EEFSEC: variants seen among roughly 807,000 people sequenced by gnomAD.
EEFSEC encodes eukaryotic elongation factor, selenocysteine-tRNA specific.
EEFSEC carries 43 observed loss-of-function variants against 42.1 expected under a neutral mutation model. That is an observed-to-expected ratio of 1.02 (90% CI 0.80 to 1.32). EEFSEC has a LOEUF of 1.32. EEFSEC is among the 40% of genes most tolerant of loss of function. The pLI, the probability that EEFSEC is intolerant of heterozygous loss-of-function variation, is 0.00. For missense variants in EEFSEC, 745 were observed against 803.6 expected (o/e 0.93, Z 0.88); for synonymous variants, 354 against 339.1 (o/e 1.04, Z -0.48).
chr3:128,197,650 T>G (rs555837099), intron 1 of EEFSEC, among the ~76,000 whole-genome samples: 1 of 152,274 alleles, frequency 6.6e-6, no homozygotes, highest in South Asian at 2.1e-4. Flanking sequence ...CCATTAACGG[T>G]ACGAGAAGAC....
chr3:128,173,292 G>A (rs897549566), intron 1 of EEFSEC, among the ~76,000 whole-genome samples: 1 of 152,216 alleles, frequency 6.6e-6, no homozygotes, highest in African/African-American at 2.4e-5. Context: ...TTGTTCCTGC[G>A]TGTGGATTCT....
At chr3:128,389,477 T>G (rs548567561) in intron 6 of EEFSEC, among the ~76,000 whole-genome samples, 2 of 152,354 alleles carry the variant, frequency 1.3e-5, no homozygotes, top group African/African-American at 4.8e-5. Flanking sequence ...TCACAAGTGG[T>G]TGGTGGTAAA....
intron 4 of EEFSEC, among the ~76,000 whole-genome samples, chr3:128,316,781 A>G (rs777835056): frequency 2.0e-5 from 3 of 152,134 alleles, no homozygotes; most frequent in Non-Finnish European, 2.9e-5. Context: ...CCCTCCCTCT[A>G]TGCTGCTCAG....
chr3:128,341,205 A>G lies in EEFSEC; in HGVS notation c.787-28A>G, dbSNP rs758961777. On this transcript the variant is annotated intron_variant, in intron 4 of 6. Coordinates refer to ENST00000254730, the MANE Select transcript of EEFSEC (RefSeq NM_021937.5). ...CACAGCCCCGAGGCTTGTTGGTTTC[A>G]TGTGCTCTCTTGCTTACTCCCCATC... 3.8e-6 allele frequency: 6 copies of G among 1,569,804 alleles called. No individual in the cohort carries two copies. The South Asian group carries it at 4.8e-5, about 13-fold the overall frequency.
downstream of EEFSEC, among the ~76,000 whole-genome samples, chr3:128,410,821 G>A (rs1048653450): frequency 2.0e-5 from 3 of 152,146 alleles, no homozygotes; most frequent in East Asian, 1.9e-4. Context: ...CAGGAACTCT[G>A]TGCAGGCGTC....
intron 1 of EEFSEC, among the ~76,000 whole-genome samples, chr3:128,200,449 C>T (rs533900369): frequency 1.4e-4 from 22 of 152,304 alleles, no homozygotes; most frequent in African/African-American, 4.8e-4. Context: ...CCACCATGCC[C>T]GGCTAATTTC....
At chr3:128,211,278 G>A (rs2065753479) in intron 1 of EEFSEC, among the ~76,000 whole-genome samples, 1 of 152,108 alleles carries the variant, frequency 6.6e-6, no homozygotes, top group African/African-American at 2.4e-5. Flanking sequence ...TTTAGAGACA[G>A]GGTCTTGCTC....
chr3:128,200,910 A>G (rs898984863), intron 1 of EEFSEC, among the ~76,000 whole-genome samples: 12 of 152,156 alleles, frequency 7.9e-5, no homozygotes, highest in African/African-American at 2.9e-4. Context: ...GAGAGAAGTT[A>G]AAGTTCCCCA....
At chr3:128,294,818 G>A (rs1305398118) in intron 4 of EEFSEC, among the ~76,000 whole-genome samples, 1 of 152,232 alleles carries the variant, frequency 6.6e-6, no homozygotes, top group African/African-American at 2.4e-5. Flanking sequence ...ATGGCAGACT[G>A]TTCTGATATT....
chr3:128,289,697 G>A (rs2066622984), intron 4 of EEFSEC, among the ~76,000 whole-genome samples: 1 of 152,134 alleles, frequency 6.6e-6, no homozygotes, highest in Admixed American at 6.5e-5. Flanking sequence ...TGCTACCTTT[G>A]GGACCTTTGC....
At chr3:128,416,491 A>G in the EEFSEC span, among the ~76,000 whole-genome samples, 1 of 151,978 alleles carries the variant, frequency 6.6e-6, no homozygotes, top group Non-Finnish European at 1.5e-5. Flanking sequence ...CCCCCACACC[A>G]TGCCCATCTC....
chr3:128,360,561 A>G (rs998950058), intron 6 of EEFSEC, among the ~76,000 whole-genome samples: 1 of 152,152 alleles, frequency 6.6e-6, no homozygotes, highest in African/African-American at 2.4e-5. Flanking sequence ...CTGTAGCCCA[A>G]GGCAAACTCA....
intron 4 of EEFSEC, among the ~76,000 whole-genome samples, chr3:128,307,489 C>T (rs1031513323): frequency 6.6e-6 from 1 of 152,196 alleles, no homozygotes; most frequent in South Asian, 2.1e-4. Context: ...GGCCTGGCTC[C>T]CACAGGGTGC....
chr3:128,410,238 G>A (rs1179968674), downstream of EEFSEC, among the ~76,000 whole-genome samples: 1 of 152,210 alleles, frequency 6.6e-6, no homozygotes, highest in Non-Finnish European at 1.5e-5. Context: ...GTGTGGGGCT[G>A]AGCTGGGAGC....
intron 1 of EEFSEC, among the ~76,000 whole-genome samples, chr3:128,202,226 T>C (rs914559567): frequency 6.6e-6 from 1 of 152,164 alleles, no homozygotes; most frequent in Non-Finnish European, 1.5e-5. Flanking sequence ...ACAAAAAAAA[T>C]AAATCCTGGG....
At chr3:128,176,318 T>C (rs139419098) in intron 1 of EEFSEC, among the ~76,000 whole-genome samples, 1 of 151,624 alleles carries the variant, frequency 6.6e-6, no homozygotes, top group Non-Finnish European at 1.5e-5. Flanking sequence ...CTTGAAGTAA[T>C]CAGAGTATGG....
At chr3:128,344,140 A>G (rs1316650918) in intron 5 of EEFSEC, among the ~76,000 whole-genome samples, 1 of 152,210 alleles carries the variant, frequency 6.6e-6, no homozygotes, top group Non-Finnish European at 1.5e-5. Context: ...ACCTGCCTTA[A>G]TGCTAGGGGC....
chr3:128,177,225 A>C (rs990717261), intron 1 of EEFSEC, among the ~76,000 whole-genome samples: 1 of 151,854 alleles, frequency 6.6e-6, no homozygotes, highest in Admixed American at 6.6e-5. Flanking sequence ...TTTTTTGTTG[A>C]TTCCTTATCT....
chr3:128,254,506 G>A (rs1353334163), intron 2 of EEFSEC, among the ~76,000 whole-genome samples: 1 of 152,186 alleles, frequency 6.6e-6, no homozygotes, highest in Admixed American at 6.5e-5. Context: ...GCTGAGTGAG[G>A]TGAAATCGCA....
Sources: allele counts gnomAD v4.1 joint callset (sites outside exome capture counted in the v4.1 genomes callset), GRCh38; gene constraint gnomAD v4.1.1; transcripts MANE v1.5; gene names NCBI Gene and HGNC (gene_info 2026-07-23, HGNC 2026-07-21).